Variants in RNF123 observed in about 807,000 individuals in gnomAD.
The protein encoded by RNF123 is ring finger protein 123, also known as E3 ubiquitin-protein ligase RNF123.
A neutral mutation model predicts 168.5 loss-of-function variants in RNF123; 86 were observed. The ratio of observed to expected loss-of-function variants is 0.51; its 90% CI spans 0.43 to 0.61. The LOEUF is 0.61. Among genes scored for constraint, RNF123 ranks in the 20% least tolerant of loss-of-function variants. The pLI is 0.00. For missense variants in RNF123, 1,419 were observed against 1,729.7 expected (o/e 0.82, Z 3.19); for synonymous variants, 666 against 689.1 (o/e 0.97, Z 0.52).
intron 8 of RNF123, 53 bp from the exon 9 acceptor site, chr3:49,698,702 G>T: frequency 6.3e-7 from 1 of 1,596,944 alleles, no homozygotes; most frequent in Non-Finnish European, 8.6e-7. Flanking sequence ...GGGGTTCAGA[G>T]TCAGCAGGCT....
In RNF123 at chr3:49,702,699, C is replaced by T. The variant is rs146532174; in HGVS notation, c.1696C>T (p.Arg566Cys). The T allele has an allele frequency of 7.2e-5, 117 of 1,614,212 alleles. No individual in the cohort carries two copies. The African/African-American group carries it at 7.9e-4, about 11-fold the overall frequency. Residue 566 changes from arginine to cysteine, a missense_variant, in exon 20 of 39, where the codon CGC becomes TGC. By Grantham distance (180) the Arg-to-Cys change is radical. This residue lies in a region of RNF123 where 349 missense variants were observed against 344.9 expected (regional missense o/e 1.01). Coordinates refer to ENST00000327697, the MANE Select transcript of RNF123 (RefSeq NM_022064.5). ...CTTACACCGGCTGATCTCTGCCCTG[C>T]GCTACTATTGGGATGAATACAAGGC... is the stretch of plus-strand genomic sequence containing the variant. ...CFLHRLISAL[R>C]YYWDEYKASN...
At chr3:49,698,319 CTT>C in intron 7 of RNF123, 119 bp from the exon 8 acceptor site, 6 of 979,102 alleles carry the variant, frequency 6.1e-6, no homozygotes, top group Non-Finnish European at 1.6e-6. Flanking sequence ...ACCTCTTACT[CTT>C]TCCCTCAGAT....
In RNF123 at chr3:49,697,167, G is replaced by A. The variant is rs2054285009; in HGVS notation, c.192G>A (p.Leu64=). Residue 64 remains leucine, a synonymous_variant, in exon 4 of 39, where the codon CTG becomes CTA. Transcript: ENST00000327697. ...GGAAACCCCTGAACTTCCAGAACCT[G>A]CCAGAACATTTGGACCAGTTGCTAC... ...TSRKPLNFQN[L]PEHLDQLLQV... 1.2e-6 allele frequency: 2 copies of A among 1,613,940 alleles called. No homozygotes were observed. The highest frequency in any genetic ancestry group is 1.7e-6 in the Non-Finnish European group (2 of 1,179,990).
intron 30 of RNF123, 37 bp downstream of exon 30, chr3:49,714,034 T>A (rs1268429072): frequency 6.2e-7 from 1 of 1,613,864 alleles, no homozygotes; most frequent in East Asian, 2.2e-5. Flanking sequence ...TGAGGCTGGC[T>A]GGAGGGAGAG....
Position 49,698,114 on chromosome 3 carries a change from A to G in RNF123, c.460A>G (p.Ile154Val), listed in dbSNP as rs1181110286. 4 of 1,613,588 alleles carry G rather than the reference A, an allele frequency of 2.5e-6. No homozygotes were observed. The highest frequency in any genetic ancestry group is 3.4e-6 in the Non-Finnish European group (4 of 1,179,904). The change falls in exon 7 of 39, where the codon ATC (isoleucine) becomes GTC (valine). Residue 154 changes from isoleucine (I) to valine (V), a missense_variant. Around this residue, in one of 5 missense-constraint regions of RNF123, gnomAD observed 318 missense variants for 446.6 expected, o/e 0.71. Transcript: ENST00000327697. ...QGLMQIGWCT[I>V]SCRFNQEEGV... ...GCTCATGCAGATCGGCTGGTGCACC[A>G]TCAGCTGCCGCTTCAACCAGGAGGT...
chr3:49,698,879 C>T lies in RNF123; in HGVS notation c.638+57C>T, dbSNP rs2054320916. On this transcript the variant is annotated intron_variant, in intron 9 of 38. Transcript: ENST00000327697. ...CCCCTGGGGCCTCCCCAGACTGCCCCCAGTTTCCTGGGCCCTGTAAGGGGC... is the reference window on the plus strand; with the variant it reads ...CCCCTGGGGCCTCCCCAGACTGCCCTCAGTTTCCTGGGCCCTGTAAGGGGC... 160 of 1,606,118 alleles carry T rather than the reference C, an allele frequency of 1.0e-4. 2 individuals are homozygous for T. In the South Asian group the frequency reaches 1.8e-3, roughly 18 times the overall value.
At chr3:49,704,556 C>T in intron 21 of RNF123, 94 bp from the exon 22 acceptor site, 2 of 1,063,220 alleles carry the variant, frequency 1.9e-6, no homozygotes, top group South Asian at 1.4e-5. Context: ...AGGCCTCCTG[C>T]CCAGTGTGCT....
In RNF123 at chr3:49,721,383, T is replaced by C. The variant is rs2080403699; in HGVS notation, c.*78T>C. 1 of 1,585,324 alleles carries C rather than the reference T, an allele frequency of 6.3e-7. No individual in the cohort carries two copies. Among genetic ancestry groups the C allele is most frequent in the Non-Finnish European group, 8.7e-7 (1 of 1,154,418 alleles). On this transcript the variant is annotated 3_prime_UTR_variant, in exon 39 of 39. Transcript: ENST00000327697. ...CTGGGCCCTATTTATGAGCTCCCTT[T>C]GCCCTTCTCCTGTATCCCACACCAC...
intron 28 of RNF123, 34 bp from the exon 29 acceptor site, chr3:49,713,704 C>T (rs1292028547): frequency 6.3e-7 from 1 of 1,579,328 alleles, no homozygotes; most frequent in Middle Eastern, 1.7e-4. Context: ...GGGCTCATGC[C>T]AAGCCCCTGC....
intron 3 of RNF123, among the ~76,000 whole-genome samples, chr3:49,695,565 C>T (rs2054252089): frequency 6.6e-6 from 1 of 152,228 alleles, no homozygotes; most frequent in Non-Finnish European, 1.5e-5. Context: ...CTTTGTGCAT[C>T]TCTGCTCCTA....
chr3:49,692,055 G>A (rs1366136649), intron 3 of RNF123, among the ~76,000 whole-genome samples: 4 of 152,206 alleles, frequency 2.6e-5, no homozygotes, highest in African/African-American at 9.7e-5. Context: ...ACCAGCCTGA[G>A]CAACATGGCA....
intron 35 of RNF123, chr3:49,718,398 C>A (rs761004181): frequency 2.5e-6 from 4 of 1,613,052 alleles, no homozygotes; most frequent in South Asian, 2.2e-5. Context: ...GCAGGCGGGG[C>A]CCAGTGGCCA....
intron 35 of RNF123, chr3:49,719,371 T>C: frequency 6.2e-7 from 1 of 1,613,602 alleles, no homozygotes. Context: ...GGGGCAGTTG[T>C]GGAGCGCACG....
chr3:49,713,402 G>T, intron 27 of RNF123, 111 bp from the exon 28 acceptor site: 1 of 1,038,868 alleles, frequency 9.6e-7, no homozygotes, highest in Non-Finnish European at 1.4e-6. Context: ...GTCCAGGCTG[G>T]CCTTGGGAGC....
At chr3:49,690,400 G>A (rs2054121566) in intron 1 of RNF123, among the ~76,000 whole-genome samples, 1 of 152,202 alleles carries the variant, frequency 6.6e-6, no homozygotes, top group Non-Finnish European at 1.5e-5. Context: ...CTGCTGTGTT[G>A]GACAGCACCG....
chr3:49,713,734 G>T lies in RNF123; in HGVS notation c.2750-4G>T, dbSNP rs377714575. On this transcript the variant is annotated splice_polypyrimidine_tract_variant and splice_region_variant and intron_variant, in intron 28 of 38. Transcript: ENST00000327697. ...CCCTGCTGAGGCACGGTGTGTCCCCGCAGACATCCGAGACTCACTGATGCA... is the reference window on the plus strand; with the variant it reads ...CCCTGCTGAGGCACGGTGTGTCCCCTCAGACATCCGAGACTCACTGATGCA... The T allele has an allele frequency of 6.3e-7, 1 of 1,596,560 alleles. No homozygotes were observed. Among genetic ancestry groups the T allele is most frequent in the Admixed American group, 1.7e-5 (1 of 57,294 alleles).
Position 49,706,771 on chromosome 3 carries a change from C to G in RNF123, c.2389-20C>G. The G allele has an allele frequency of 6.2e-7, 1 of 1,607,666 alleles. No homozygotes were observed. The highest frequency in any genetic ancestry group is 8.5e-7 in the Non-Finnish European group (1 of 1,174,122). ...TATGGGGCCATGTCTTGATTGTCCT[C>G]CTTTCCCCTTGGGTGGCAGAGGAAG... On this transcript the variant is annotated intron_variant, in intron 25 of 38. Coordinates refer to ENST00000327697, the MANE Select transcript of RNF123 (RefSeq NM_022064.5).
In RNF123 at chr3:49,705,525, A is replaced by G. The variant is rs560936348; in HGVS notation, c.2159-9A>G. On this transcript the variant is annotated splice_polypyrimidine_tract_variant and intron_variant, in intron 23 of 38. Transcript: ENST00000327697. ...CCTACCCTTGACCCTTCCCTCCCCAACTCCCCAGTTGAAGGCAGCCACTGG... is the reference window on the plus strand; with the variant it reads ...CCTACCCTTGACCCTTCCCTCCCCAGCTCCCCAGTTGAAGGCAGCCACTGG... 1 of 1,579,332 alleles carries G rather than the reference A, an allele frequency of 6.3e-7. No individual in the cohort carries two copies. The highest frequency in any genetic ancestry group is 1.4e-5 in the African/African-American group (1 of 73,578).
Position 49,720,903 on chromosome 3 carries a change from G to C in RNF123, c.3738+9G>C, listed in dbSNP as rs369165447. The C allele has an allele frequency of 1.1e-5, 17 of 1,613,814 alleles. No individual in the cohort carries two copies. The African/African-American group carries it at 2.1e-4, about 20-fold the overall frequency. On this transcript the variant is annotated intron_variant, in intron 37 of 38. Transcript: ENST00000327697. ...CAGCAGCTGCCTCCCTGGTGAGTGG[G>C]AACACGGTGCACAGGTCCATGCCAC...
Sources: gnomAD v4.1 joint callset for allele counts (sites outside exome capture counted in the v4.1 genomes callset) on GRCh38, gnomAD v4.1.1 for gene constraint, gnomAD v4.1.1 regional missense constraint, MANE v1.5 for transcripts, NCBI Gene and HGNC (gene_info 2026-07-23, HGNC 2026-07-21) for gene names.